Variants in ANKRD30B observed in about 807,000 individuals in gnomAD.
ANKRD30B encodes ankyrin repeat domain-containing protein 30B.
Under a neutral mutation model 202.2 loss-of-function variants are expected in ANKRD30B, and 144 were observed. That is an observed-to-expected ratio of 0.71 (90% CI 0.62 to 0.82). The LOEUF is 0.82. Ranked by LOEUF, ANKRD30B falls within the 40% of genes least tolerant of loss-of-function variation. ANKRD30B has a pLI of 0.00. For missense variants in ANKRD30B, 1,487 were observed against 1,669.1 expected (o/e 0.89, Z 1.90); for synonymous variants, 508 against 561.3 (o/e 0.91, Z 1.34).
rs564912938 is a variant in ANKRD30B, at chr18:14,832,640, A to G, written c.2847+1185A>G. Among the ~76,000 whole-genome samples, 7 of 152,352 alleles carry G rather than the reference A, an allele frequency of 4.6e-5. No individual in the cohort carries two copies. The South Asian group carries it at 1.4e-3, about 32-fold the overall frequency. On this transcript the variant is annotated intron_variant, in intron 34 of 43. Coordinates refer to ENST00000690538, the MANE Select transcript of ANKRD30B (RefSeq NM_001367607.2). ...AAGCGGTTTTCAATGTGAATAAATA[A>G]GCAAATGAATTTTTATGTAATGGAA...
chr18:14,845,734 C>A (rs1971612095), intron 39 of ANKRD30B, among the ~76,000 whole-genome samples: 2 of 152,010 alleles, frequency 1.3e-5, no homozygotes, highest in South Asian at 4.2e-4. Flanking sequence ...AAATTGAATT[C>A]TCACAATTTT....
chr18:14,807,375 A>G (rs1292776191), intron 24 of ANKRD30B, among the ~76,000 whole-genome samples: 5 of 150,812 alleles, frequency 3.3e-5, no homozygotes, highest in African/African-American at 1.2e-4. Flanking sequence ...TAACAAATAG[A>G]ATTAGTTTTA....
At chr18:14,923,565 G>T in the ANKRD30B span, among the ~76,000 whole-genome samples, 1 of 151,910 alleles carries the variant, frequency 6.6e-6, no homozygotes, top group African/African-American at 2.4e-5. Context: ...GACCTTCCTG[G>T]GTCCTGGAAG....
intron 33 of ANKRD30B, among the ~76,000 whole-genome samples, 195 bp from the exon 34 acceptor site, chr18:14,831,181 GAAAAAAA>G (rs71305894): frequency 7.6e-5 from 4 of 52,358 alleles, no homozygotes; most frequent in African/African-American, 3.0e-4. Context: ...CTCCGTCTCG[GAAAAAAA>G]AAAAAAAAAA....
chr18:14,842,012 T>A (rs373003725), intron 37 of ANKRD30B, among the ~76,000 whole-genome samples: 1 of 152,310 alleles, frequency 6.6e-6, no homozygotes, highest in East Asian at 1.9e-4. Flanking sequence ...TCTATAAAAA[T>A]CTATTAGACA....
the ANKRD30B span, among the ~76,000 whole-genome samples, chr18:14,862,741 A>C: frequency 1.3e-5 from 2 of 152,220 alleles, no homozygotes; most frequent in Middle Eastern, 3.2e-3. Context: ...CAGGCACTCA[A>C]CTCTGATCCA....
chr18:14,846,289 G>A (rs1482512467), intron 39 of ANKRD30B, among the ~76,000 whole-genome samples: 2 of 151,900 alleles, frequency 1.3e-5, no homozygotes, highest in African/African-American at 4.8e-5. Flanking sequence ...TGGATGTTAT[G>A]TTACTTAATT....
chr18:14,797,944 T>C, intron 20 of ANKRD30B, 90 bp downstream of exon 20: 2 of 1,207,278 alleles, frequency 1.7e-6, no homozygotes, highest in Non-Finnish European at 1.1e-6. Context: ...TGTTGTTTTC[T>C]TTTGAAAATT....
Position 14,752,685 on chromosome 18 carries a change from A to G in ANKRD30B, c.336+5A>G. 2 of 1,593,588 alleles carry G rather than the reference A, an allele frequency of 1.3e-6. No homozygotes were observed. The highest frequency in any genetic ancestry group is 1.7e-6 in the Non-Finnish European group (2 of 1,167,968). On this transcript the variant is annotated splice_donor_5th_base_variant and intron_variant, in intron 2 of 43. Transcript: ENST00000690538. The stretch of plus-strand genomic sequence containing the variant: ...GGGAGGACACCTCTGATGAAGGTAA[A>G]TAGTAGCCAGTTTTTTCAGCGGGAG...
At chr18:14,805,486 GT>G (rs770868266) in intron 24 of ANKRD30B, among the ~76,000 whole-genome samples, 17 of 150,336 alleles carry the variant, frequency 1.1e-4, no homozygotes, top group Non-Finnish European at 1.9e-4. Context: ...GGATACTATT[GT>G]AGCATACGGG....
chr18:14,917,553 G>T, the ANKRD30B span, among the ~76,000 whole-genome samples: 1 of 152,220 alleles, frequency 6.6e-6, no homozygotes, highest in African/African-American at 2.4e-5. Context: ...GACTGTCCTG[G>T]TTGGTAAATC....
the ANKRD30B span, among the ~76,000 whole-genome samples, chr18:14,876,269 C>G: frequency 6.6e-5 from 10 of 152,112 alleles, no homozygotes. Context: ...CTCTGAATCT[C>G]AGTTTCCTCT....
In ANKRD30B at chr18:14,851,980, G is replaced by A. The variant is rs1180734340; in HGVS notation, c.4036G>A (p.Glu1346Lys). Residue 1346 changes from glutamate to lysine, a missense_variant, in exon 42 of 44, where the codon GAG (glutamate) becomes AAG (lysine). Transcript: ENST00000690538. ...VDVSNTIYNN[E>K]VLHQPLYEAQ... ...TGTGAGTAATACAATATATAACAAT[G>A]AGGTGCTCCATCAACCACTTTATGA... 6 of 1,600,382 alleles carry A rather than the reference G, an allele frequency of 3.7e-6. No homozygotes were observed. The highest frequency in any genetic ancestry group is 1.7e-5 in the Admixed American group (1 of 58,478).
chr18:14,916,487 CTCCAGCTGGAA>C, the ANKRD30B span, among the ~76,000 whole-genome samples: 62,069 of 151,780 alleles, frequency 0.41, 14,371 homozygotes, highest in East Asian at 0.58. Context: ...AGGGAGATGC[CTCCAGCTGGAA>C]GAAGAGCAGA....
chr18:14,864,733 C>T, the ANKRD30B span, among the ~76,000 whole-genome samples: 140 of 152,116 alleles, frequency 9.2e-4, no homozygotes, highest in Middle Eastern at 3.4e-3. Flanking sequence ...CTTCTCCCCA[C>T]TCCTGCTGCT....
rs1165822172 is a variant in ANKRD30B at position 14,799,211 on chromosome 18, A to G, written c.2059-12A>G. On this transcript the variant is annotated splice_polypyrimidine_tract_variant and intron_variant, in intron 21 of 43. Transcript: ENST00000690538. ...ATTATATGTTAATTTTTGTGTTTCC[A>G]AACCCATTTAGCCTACCTGTGGAAG... 8.2e-6 allele frequency: 13 copies of G among 1,581,878 alleles called. No homozygotes were observed. The highest frequency in any genetic ancestry group is 1.8e-5 in the Admixed American group (1 of 56,994).
chr18:14,761,943 A>C (rs1332378082), intron 6 of ANKRD30B, among the ~76,000 whole-genome samples: 1 of 152,208 alleles, frequency 6.6e-6, no homozygotes, highest in Non-Finnish European at 1.5e-5. Context: ...AAACTTTGCT[A>C]ATATTCCACT....
intron 2 of ANKRD30B, 49 bp downstream of exon 2, chr18:14,752,729 C>G (rs1371812514): frequency 6.5e-7 from 1 of 1,548,326 alleles, no homozygotes; most frequent in Middle Eastern, 1.7e-4. Flanking sequence ...GGTTTAAATA[C>G]ATAGAATAAA....
chr18:14,826,693 T>TCTCTCTCTCACA (rs762792279), intron 32 of ANKRD30B, among the ~76,000 whole-genome samples: 116 of 125,038 alleles, frequency 9.3e-4, no homozygotes, highest in African/African-American at 2.9e-3. Flanking sequence ...TCTCTCTCTC[T>TCTCTCTCTCACA]CACACACACA....
Sources: gnomAD v4.1 joint callset for allele counts (sites outside exome capture counted in the v4.1 genomes callset) on GRCh38, gnomAD v4.1.1 for gene constraint, MANE v1.5 for transcripts, NCBI Gene and HGNC (gene_info 2026-07-23, HGNC 2026-07-21) for gene names.